The following SH3RF2 variants were observed in gnomAD, a reference collection of about 807,000 sequenced individuals.
SH3RF2 encodes the protein E3 ubiquitin-protein ligase SH3RF2.
In SH3RF2, 43 loss-of-function variants were observed where a neutral mutation model predicts 59.0. The ratio of observed to expected loss-of-function variants is 0.73; its 90% CI spans 0.57 to 0.94. The LOEUF (loss-of-function observed/expected upper bound fraction) is 0.94, where lower values mean the gene tolerates loss of function less well. Among genes scored for constraint, SH3RF2 ranks in the 40% least tolerant of loss-of-function variants. The pLI, the probability that SH3RF2 is intolerant of heterozygous loss-of-function variation, is 0.00. For missense variants in SH3RF2, 930 were observed against 940.1 expected, an observed-to-expected ratio of 0.99 and a Z score of 0.14; for synonymous variants, 391 against 391.5, an observed-to-expected ratio of 1.00 and a Z score of 0.01.
intron 2 of SH3RF2, among the ~76,000 whole-genome samples, chr5:145,944,007 T>C (rs1757917560): frequency 6.6e-6 from 1 of 152,212 alleles, no homozygotes; most frequent in Non-Finnish European, 1.5e-5. Context: ...CCCTTGACTC[T>C]TGAAGAGCAT....
At chr5:145,997,630 G>A in intron 2 of SH3RF2, 3 of 1,583,720 alleles carry the variant, frequency 1.9e-6, no homozygotes, top group Non-Finnish European at 2.6e-6. Context: ...TATCCTCTGG[G>A]ACTGGCCACT....
chr5:146,010,990 T>C (rs1307512365), intron 4 of SH3RF2, among the ~76,000 whole-genome samples: 1 of 152,160 alleles, frequency 6.6e-6, no homozygotes, highest in African/African-American at 2.4e-5. Flanking sequence ...CTAGGTTTTC[T>C]TCTAGGGTTT....
rs572247697 is a variant in SH3RF2 at position 145,987,442 on chromosome 5, A to G, written c.379-12616A>G. Among the ~76,000 whole-genome samples the G allele has an allele frequency of 5.3e-5, 8 of 152,336 alleles. No individual in the cohort carries two copies. In the East Asian group the frequency reaches 1.5e-3, roughly 29 times the overall value. On this transcript the variant is annotated intron_variant, in intron 2 of 9. Coordinates refer to ENST00000359120, the MANE Select transcript of SH3RF2 (RefSeq NM_152550.4). ...TCAGTGAGAACATACAACGGAGAAA[A>G]CATTAAAATAAATAAAGAGAGAAAC... is the stretch of plus-strand genomic sequence containing the variant.
intron 2 of SH3RF2, among the ~76,000 whole-genome samples, chr5:145,950,832 T>C (rs1274226176): frequency 2.6e-5 from 4 of 152,092 alleles, no homozygotes; most frequent in East Asian, 3.9e-4. Flanking sequence ...ACAGGCAAAA[T>C]AGTTCATTGT....
rs200320341 is a variant in SH3RF2 at position 145,958,128 on chromosome 5, AAAAAC to A, written c.378+19837_378+19841del. ...AACTCCATCTCAAAAAAAAAAACAA[AAAAAC>A]AAAACAAAACAAAAAAACCTGTGTT... is the stretch of plus-strand genomic sequence containing the variant. On this transcript the variant is annotated intron_variant, in intron 2 of 9. Coordinates refer to ENST00000359120, the MANE Select transcript of SH3RF2 (RefSeq NM_152550.4). 3.9e-3 allele frequency among the ~76,000 whole-genome samples: 594 copies of A among 152,206 alleles called. 3 individuals carry two copies. The highest frequency in any genetic ancestry group is 0.014 in the African/African-American group (562 of 41,530).
chr5:146,011,252 T>G (rs945005542), intron 4 of SH3RF2, among the ~76,000 whole-genome samples: 3 of 152,232 alleles, frequency 2.0e-5, no homozygotes, highest in African/African-American at 7.2e-5. Context: ...TCTGTTTAGG[T>G]ACCAGTACCA....
At chr5:145,999,014 T>C (rs6580401) in intron 2 of SH3RF2, among the ~76,000 whole-genome samples, 6,812 of 119,726 alleles carry the variant, frequency 0.057, 496 homozygotes, top group African/African-American at 0.18. Flanking sequence ...TAATTTAAAA[T>C]ACTTTATTAC....
intron 2 of SH3RF2, among the ~76,000 whole-genome samples, chr5:145,970,101 T>C (rs1344279504): frequency 2.0e-5 from 3 of 152,222 alleles, no homozygotes; most frequent in Non-Finnish European, 4.4e-5. Flanking sequence ...ACTCATTTAA[T>C]CTTCACAGAT....
At chr5:146,003,868 T>C (rs1760527063) in intron 3 of SH3RF2, among the ~76,000 whole-genome samples, 190 bp from the exon 4 acceptor site, 1 of 152,222 alleles carries the variant, frequency 6.6e-6, no homozygotes, top group Non-Finnish European at 1.5e-5. Flanking sequence ...TACCCCTCTA[T>C]GGTCTCAGTG....
chr5:146,057,928 GTCTCTCTCTCTCTCTCTCTCTC>G (rs58826823), intron 8 of SH3RF2, among the ~76,000 whole-genome samples: 1 of 133,178 alleles, frequency 7.5e-6, no homozygotes, highest in Non-Finnish European at 1.6e-5. Context: ...GGCTGTTAGT[GTCTCTCTCTCTCTCTCTCTCTC>G]TCTCTCTCTC....
chr5:145,959,997 C>T (rs1386785910), intron 2 of SH3RF2, among the ~76,000 whole-genome samples: 1 of 152,158 alleles, frequency 6.6e-6, no homozygotes, highest in African/African-American at 2.4e-5. Context: ...GCTATTAAAG[C>T]CGGCATTTTC....
downstream of SH3RF2, among the ~76,000 whole-genome samples, chr5:146,066,492 G>T (rs1424343811): frequency 6.6e-6 from 1 of 152,172 alleles, no homozygotes; most frequent in African/African-American, 2.4e-5. Flanking sequence ...TTTAGACTGG[G>T]ATGTTTTTAA....
chr5:145,952,031 A>C (rs1419736898), intron 2 of SH3RF2, among the ~76,000 whole-genome samples: 1 of 152,162 alleles, frequency 6.6e-6, no homozygotes, highest in Non-Finnish European at 1.5e-5. Context: ...TACCACCTAC[A>C]TTGGTTCTGA....
intron 2 of SH3RF2, among the ~76,000 whole-genome samples, chr5:145,985,054 G>A (rs1759650064): frequency 1.3e-5 from 2 of 152,188 alleles, no homozygotes; most frequent in African/African-American, 2.4e-5. Flanking sequence ...TATTTGGGAG[G>A]CCAAGGTGGG....
intron 4 of SH3RF2, 108 bp downstream of exon 4, chr5:146,004,261 C>A: frequency 2.6e-6 from 2 of 782,446 alleles, no homozygotes; most frequent in South Asian, 2.3e-5. Flanking sequence ...TATTTCAGAA[C>A]TAACTAAAAT....
At chr5:145,956,180 G>A (rs916846987) in intron 2 of SH3RF2, among the ~76,000 whole-genome samples, 1 of 152,190 alleles carries the variant, frequency 6.6e-6, no homozygotes, top group Admixed American at 6.5e-5. Context: ...AGTAGCAAGG[G>A]TATAGATGTC....
At chr5:146,038,019 T>C (rs1340859233) in intron 5 of SH3RF2, among the ~76,000 whole-genome samples, 5 of 152,200 alleles carry the variant, frequency 3.3e-5, no homozygotes, top group Non-Finnish European at 5.9e-5. Context: ...GAATGGTTGG[T>C]TTAGCATTAG....
In SH3RF2 at chr5:145,938,172, TC is replaced by T; in HGVS notation, c.246del (p.Arg84GlufsTer11). The T allele has an allele frequency of 1.2e-6, 2 of 1,614,050 alleles. No homozygotes were observed. The highest frequency in any genetic ancestry group is 1.7e-6 in the Non-Finnish European group (2 of 1,179,998). Reference sequence around the variant, plus strand: ...GGATGGAGTGCGCTCAGGGCAGAGCTCCGGGAGAGGGGGCTCCTTCCGCAGG... The same window carrying T: ...GGATGGAGTGCGCTCAGGGCAGAGCTCGGGAGAGGGGGCTCCTTCCGCAGG... Reference protein sequence around the residue: ...LLDGVRSGQSSGRGGSFRRPG... With the variant: ...LLDGVRSGQSXGRGGSFRRPG... On this transcript the variant is annotated frameshift_variant, in exon 2 of 10. Coordinates refer to ENST00000359120, the MANE Select transcript of SH3RF2 (RefSeq NM_152550.4). LOFTEE classifies it high-confidence loss of function.
chr5:146,061,728 C>T (rs562046816), intron 9 of SH3RF2, among the ~76,000 whole-genome samples: 1 of 152,268 alleles, frequency 6.6e-6, no homozygotes, highest in East Asian at 1.9e-4. Flanking sequence ...TTGGCATAAA[C>T]TGGAGACCTT....
Sources: allele counts gnomAD v4.1 joint callset (sites outside exome capture counted in the v4.1 genomes callset), GRCh38; gene constraint gnomAD v4.1.1; transcripts MANE v1.5; gene names NCBI Gene and HGNC (gene_info 2026-07-23, HGNC 2026-07-21).